Variants in PLB1 observed in about 807,000 individuals in gnomAD.
The protein encoded by PLB1 is phospholipase B1, also known as phospholipase B1, membrane-associated.
In PLB1, 242 loss-of-function variants were observed where a neutral mutation model predicts 227.4. The ratio of observed to expected loss-of-function variants is 1.06; its 90% CI spans 0.96 to 1.18. The LOEUF is 1.18. PLB1 is among the 50% of genes most tolerant of loss of function. PLB1 has a pLI of 0.00. For synonymous variants in PLB1, 757 were observed against 682.2 expected (o/e 1.11, Z -1.71); for missense variants, 1,858 against 1,816.3 (o/e 1.02, Z -0.42).
intron 43 of PLB1, among the ~76,000 whole-genome samples, chr2:28,613,585 TAA>T (rs1348332572): frequency 6.6e-6 from 1 of 151,986 alleles, no homozygotes; most frequent in Admixed American, 6.6e-5. Flanking sequence ...GAACCCAACC[TAA>T]AGAGGAAAAG....
At chr2:28,606,870 A>G (rs1684755113) in intron 43 of PLB1, among the ~76,000 whole-genome samples, 1 of 152,172 alleles carries the variant, frequency 6.6e-6, no homozygotes, top group South Asian at 2.1e-4. Context: ...ATGCCAGGAA[A>G]ATGGCAGGAG....
At chr2:28,627,054 G>A (rs1687896495) in intron 51 of PLB1, among the ~76,000 whole-genome samples, 1 of 152,144 alleles carries the variant, frequency 6.6e-6, no homozygotes, top group Non-Finnish European at 1.5e-5. Context: ...TCTAAGTTGG[G>A]GACATTCTGT....
At chr2:28,641,908 C>T (rs1215031523) in intron 57 of PLB1, among the ~76,000 whole-genome samples, 1 of 152,150 alleles carries the variant, frequency 6.6e-6, no homozygotes, top group Non-Finnish European at 1.5e-5. Context: ...TGCCCATTGA[C>T]CAGAGTCTGG....
chr2:28,562,683 T>C (rs1381081854), intron 17 of PLB1, among the ~76,000 whole-genome samples: 1 of 152,112 alleles, frequency 6.6e-6, no homozygotes, highest in Non-Finnish European at 1.5e-5. Flanking sequence ...TGCATTTCCA[T>C]GGCAATTTCT....
intron 37 of PLB1, 145 bp downstream of exon 37, chr2:28,601,477 A>G: frequency 1.5e-6 from 1 of 646,996 alleles, no homozygotes; most frequent in East Asian, 2.7e-5. Context: ...TACCACACAC[A>G]CACACACACA....
rs770982276 is a variant in PLB1, at chr2:28,496,115, ATGGGGCTGCGGCCAGGCATTTTCCTCC to A, written c.5_31del (p.GlyLeuArgProGlyIlePheLeuLeu2_?10). On this transcript the variant is annotated start_lost and inframe_deletion, in exon 1 of 58. Coordinates refer to ENST00000327757, the MANE Select transcript of PLB1 (RefSeq NM_153021.5). The stretch of plus-strand genomic sequence containing the variant: ...CCCGAGTCACCTGGAGCATTCTGGC[ATGGGGCTGCGGCCAGGCATTTTCCTCC>A]TGGAGCTGCTGCTGCTTCTGGGGCA... The A allele has an allele frequency of 2.5e-6, 4 of 1,614,106 alleles. No homozygotes were observed. In the South Asian group the frequency reaches 4.4e-5, roughly 18 times the overall value.
intron 43 of PLB1, among the ~76,000 whole-genome samples, chr2:28,607,214 G>A (rs1684805868): frequency 6.6e-6 from 1 of 152,160 alleles, no homozygotes; most frequent in African/African-American, 2.4e-5. Flanking sequence ...CGGTCTTATG[G>A]CTTTTTAACC....
chr2:28,624,229 C>G (rs1573513065), intron 49 of PLB1, among the ~76,000 whole-genome samples: 1 of 152,180 alleles, frequency 6.6e-6, no homozygotes, highest in Non-Finnish European at 1.5e-5. Context: ...CTGTCCCTAC[C>G]TCACACCCCA....
At position 28,643,044 on chromosome 2, in the gene PLB1, C is replaced by T. The variant is rs544588534; in HGVS notation, c.4360C>T (p.Arg1454Cys). The T allele has an allele frequency of 5.7e-5, 92 of 1,605,762 alleles. No homozygotes were observed. Among genetic ancestry groups the T allele is most frequent in the South Asian group, 4.5e-4 (40 of 89,510 alleles). Residue 1454 changes from arginine to cysteine, a missense_variant, in exon 58 of 58, where the codon CGC (arginine) becomes TGC (cysteine). By Grantham distance (180) the Arg-to-Cys change is radical. Transcript: ENST00000327757. The stretch of plus-strand genomic sequence containing the variant: ...GAGGGAAGATCCTCCAATGAGCCTG[C>T]GCACTGTGGCCCTCTAGGCCCGGGG... Reference protein sequence around the residue: ...GRREDPPMSLRTVAL With the variant: ...GRREDPPMSLCTVAL
At chr2:28,588,444 G>C (rs965329032) in intron 26 of PLB1, among the ~76,000 whole-genome samples, 1 of 152,180 alleles carries the variant, frequency 6.6e-6, no homozygotes, top group Non-Finnish European at 1.5e-5. Context: ...TGGCTTGGGA[G>C]GTCAGACATG....
chr2:28,589,884 A>G, intron 28 of PLB1, 114 bp downstream of exon 28: 1 of 1,343,144 alleles, frequency 7.4e-7, no homozygotes, highest in Non-Finnish European at 1.1e-6. Flanking sequence ...TATGCACGGC[A>G]ATGACAAACA....
At chr2:28,628,756 A>AG (rs1389817475) in intron 52 of PLB1, 128 bp downstream of exon 52, 6 of 927,486 alleles carry the variant, frequency 6.5e-6, no homozygotes, top group Non-Finnish European at 1.0e-5. Flanking sequence ...GATGGCAGGG[A>AG]GGGAGGTGGC....
intron 27 of PLB1, 45 bp from the exon 28 acceptor site, chr2:28,589,630 T>A (rs1052860543): frequency 9.3e-6 from 15 of 1,606,090 alleles, no homozygotes; most frequent in Admixed American, 1.7e-5. Context: ...ACTTATATGA[T>A]CCAGTGTGTC....
intron 43 of PLB1, 71 bp downstream of exon 43, chr2:28,606,638 C>T (rs2148307430): frequency 1.4e-6 from 2 of 1,387,806 alleles, no homozygotes; most frequent in South Asian, 2.3e-5. Context: ...CCACTTCGTC[C>T]TCCACCACAG....
intron 7 of PLB1, 115 bp from the exon 8 acceptor site, chr2:28,529,613 C>T (rs1331593150): frequency 8.8e-7 from 1 of 1,139,792 alleles, no homozygotes; most frequent in Admixed American, 2.1e-5. Flanking sequence ...CCTTCAGAAG[C>T]CAGGGGTGGA....
intron 16 of PLB1, 51 bp from the exon 17 acceptor site, chr2:28,552,877 T>C: frequency 6.6e-7 from 1 of 1,515,876 alleles, no homozygotes; most frequent in African/African-American, 1.4e-5. Context: ...CTCACCCATT[T>C]CCAGTTTAGA....
intron 1 of PLB1, among the ~76,000 whole-genome samples, chr2:28,504,993 G>C (rs1157219344): frequency 6.6e-6 from 1 of 152,204 alleles, no homozygotes; most frequent in Non-Finnish European, 1.5e-5. Flanking sequence ...GAAGATATAA[G>C]TGTTCATTCT....
At chr2:28,559,740 C>CTTTTTT (rs10618292) in intron 17 of PLB1, among the ~76,000 whole-genome samples, 1 of 66,210 alleles carries the variant, frequency 1.5e-5, no homozygotes, top group Non-Finnish European at 2.5e-5. Flanking sequence ...GGCCTGAAAG[C>CTTTTTT]TTTTTTTTTT....
chr2:28,636,306 C>T (rs1689354692), intron 56 of PLB1, among the ~76,000 whole-genome samples: 1 of 152,146 alleles, frequency 6.6e-6, no homozygotes, highest in Non-Finnish European at 1.5e-5. Flanking sequence ...TCAGGAGATC[C>T]ACCCACCTCG....
Sources: allele counts gnomAD v4.1 joint callset (sites outside exome capture counted in the v4.1 genomes callset), GRCh38; gene constraint gnomAD v4.1.1; transcripts MANE v1.5; gene names NCBI Gene and HGNC (gene_info 2026-07-23, HGNC 2026-07-21).